STK32B: variants seen among roughly 807,000 people sequenced by gnomAD.
STK32B encodes serine/threonine-protein kinase 32B.
A neutral mutation model predicts 52.6 loss-of-function variants in STK32B; 43 were observed. The observed-to-expected ratio is 0.82, with a 90% CI of 0.64 to 1.05. The LOEUF (loss-of-function observed/expected upper bound fraction) is 1.05. STK32B is among the 50% of genes least tolerant of loss of function. STK32B has a pLI of 0.00. For synonymous variants in STK32B, 238 were observed against 204.3 expected (o/e 1.17, Z -1.41); for missense variants, 621 against 534.6 (o/e 1.16, Z -1.59).
intron 3 of STK32B, among the ~76,000 whole-genome samples, chr4:5,277,893 C>A (rs928003662): frequency 6.6e-6 from 1 of 152,176 alleles, no homozygotes; most frequent in East Asian, 1.9e-4. Context: ...TAAACCTGGC[C>A]TGTCACTCAG....
intron 2 of STK32B, among the ~76,000 whole-genome samples, chr4:5,155,759 C>T (rs909210382): frequency 4.6e-5 from 7 of 152,138 alleles, no homozygotes; most frequent in Non-Finnish European, 1.0e-4. Flanking sequence ...TTCCCTTCAT[C>T]TTTCGCCATG....
intron 3 of STK32B, among the ~76,000 whole-genome samples, chr4:5,318,515 T>C (rs180888361): frequency 1.8e-3 from 269 of 152,300 alleles, no homozygotes; most frequent in Middle Eastern, 0.01. Context: ...TGGAGAGTCC[T>C]GATCACATAG....
At chr4:5,093,053 T>A (rs1025087580) in intron 1 of STK32B, among the ~76,000 whole-genome samples, 6 of 152,156 alleles carry the variant, frequency 3.9e-5, no homozygotes, top group African/African-American at 1.4e-4. Flanking sequence ...TATGTAGGTA[T>A]TTTTCAATAA....
chr4:5,055,591 A>G lies in STK32B; in HGVS notation c.52+3676A>G, dbSNP rs190494178. 1.4e-4 allele frequency among the ~76,000 whole-genome samples: 21 copies of G among 152,260 alleles called. No individual in the cohort carries two copies. The East Asian group carries it at 4.1e-3, about 29-fold the overall frequency. ...CTAGGCACAACTTGCATCGTTAAGA[A>G]AATAAAAGCTGAAGTCCTTATAGAT... On this transcript the variant is annotated intron_variant, in intron 1 of 11. Coordinates refer to ENST00000282908, the MANE Select transcript of STK32B (RefSeq NM_018401.3).
intron 1 of STK32B, among the ~76,000 whole-genome samples, chr4:5,108,314 C>T (rs913241953): frequency 6.6e-6 from 1 of 152,180 alleles, no homozygotes; most frequent in African/African-American, 2.4e-5. Flanking sequence ...TAGAATAAAT[C>T]TCATATATGT....
At chr4:5,233,274 C>T (rs765408732) in intron 3 of STK32B, among the ~76,000 whole-genome samples, 72 of 152,126 alleles carry the variant, frequency 4.7e-4, no homozygotes, top group Non-Finnish European at 8.5e-4. Context: ...TGGTATTCTC[C>T]AGTAGGGTTA....
chr4:5,344,405 C>G (rs1220746382), intron 4 of STK32B, among the ~76,000 whole-genome samples: 1 of 152,152 alleles, frequency 6.6e-6, no homozygotes, highest in Non-Finnish European at 1.5e-5. Flanking sequence ...CTATGATGCA[C>G]TGTATTTTGC....
intron 3 of STK32B, among the ~76,000 whole-genome samples, chr4:5,221,025 G>T (rs1380609854): frequency 2.0e-5 from 3 of 152,088 alleles, no homozygotes; most frequent in African/African-American, 7.2e-5. Context: ...AGTGTCCTTT[G>T]CCTTTTAGAA....
intron 3 of STK32B, among the ~76,000 whole-genome samples, chr4:5,215,995 A>G (rs1271601482): frequency 6.6e-6 from 1 of 152,202 alleles, no homozygotes; most frequent in Non-Finnish European, 1.5e-5. Context: ...TTGGCCTGCA[A>G]AGAATGTCTA....
At chr4:5,344,127 C>T (rs1577374484) in intron 4 of STK32B, among the ~76,000 whole-genome samples, 2 of 152,186 alleles carry the variant, frequency 1.3e-5, no homozygotes, top group Admixed American at 6.5e-5. Context: ...TGCAGGACCC[C>T]GGTAATTCCT....
intron 1 of STK32B, among the ~76,000 whole-genome samples, chr4:5,136,184 T>C (rs903352270): frequency 2.6e-5 from 4 of 152,200 alleles, no homozygotes; most frequent in Non-Finnish European, 4.4e-5. Context: ...GGGTTTTTGT[T>C]ATCAAGAAAG....
At chr4:5,057,754 CA>C (rs1742063311) in intron 1 of STK32B, among the ~76,000 whole-genome samples, 1 of 152,112 alleles carries the variant, frequency 6.6e-6, no homozygotes, top group African/African-American at 2.4e-5. Context: ...CTGGAAAAAA[CA>C]GATATTCTTA....
intron 1 of STK32B, among the ~76,000 whole-genome samples, chr4:5,107,351 T>C (rs897656852): frequency 1.3e-5 from 2 of 152,178 alleles, no homozygotes; most frequent in African/African-American, 4.8e-5. Context: ...GTAATAATAA[T>C]AGAAATAAAG....
intron 3 of STK32B, among the ~76,000 whole-genome samples, chr4:5,249,863 A>G (rs977372954): frequency 6.6e-6 from 1 of 152,154 alleles, no homozygotes; most frequent in Non-Finnish European, 1.5e-5. Flanking sequence ...TTCATCACCT[A>G]TGTAATAAGC....
chr4:5,256,004 A>G (rs113250847), intron 3 of STK32B, among the ~76,000 whole-genome samples: 1 of 152,196 alleles, frequency 6.6e-6, no homozygotes, highest in African/African-American at 2.4e-5. Flanking sequence ...CACATGCCCC[A>G]AAGTGCTATA....
At chr4:5,051,965 T>G in intron 1 of STK32B, 50 bp downstream of exon 1, 1 of 1,553,430 alleles carries the variant, frequency 6.4e-7, no homozygotes. Flanking sequence ...ATCCCCTTCC[T>G]CCACCACCCT....
chr4:5,321,154 C>G (rs756263505), intron 3 of STK32B, among the ~76,000 whole-genome samples: 1 of 152,116 alleles, frequency 6.6e-6, no homozygotes. Context: ...CTCTGAACAT[C>G]AGTTCTGTCA....
intron 3 of STK32B, among the ~76,000 whole-genome samples, chr4:5,297,534 T>C (rs370059943): frequency 2.3e-4 from 35 of 152,200 alleles, no homozygotes; most frequent in African/African-American, 8.2e-4. Context: ...TGATCTTCAA[T>C]CTCTGATCCT....
intron 1 of STK32B, among the ~76,000 whole-genome samples, chr4:5,066,998 G>A (rs1009934444): frequency 1.3e-5 from 2 of 152,172 alleles, no homozygotes; most frequent in African/African-American, 4.8e-5. Context: ...CAGTATATTA[G>A]TCTGTTTTCA....
Sources: allele counts gnomAD v4.1 joint callset (sites outside exome capture counted in the v4.1 genomes callset), GRCh38; gene constraint gnomAD v4.1.1; transcripts MANE v1.5; gene names NCBI Gene and HGNC (gene_info 2026-07-23, HGNC 2026-07-21).